Variants in UBE3C observed in about 807,000 individuals in gnomAD.
UBE3C encodes the protein ubiquitin protein ligase E3C, also known as ubiquitin-protein ligase E3C.
UBE3C carries 42 observed loss-of-function variants against 129.4 expected under a neutral mutation model. That is an observed-to-expected ratio of 0.32 (90% CI 0.25 to 0.42). The LOEUF (loss-of-function observed/expected upper bound fraction) is 0.42, where lower values mean the gene tolerates loss of function less well. Among genes scored for constraint, UBE3C ranks in the 10% least tolerant of loss-of-function variants. The pLI, the probability that UBE3C is intolerant of heterozygous loss-of-function variation, is 1.00. For missense variants in UBE3C, 1,049 were observed against 1,319.1 expected (o/e 0.80, Z 3.17); for synonymous variants, 510 against 492.4 (o/e 1.04, Z -0.47).
At chr7:157,246,122 G>GT (rs1480154583) in intron 18 of UBE3C, among the ~76,000 whole-genome samples, 3 of 151,850 alleles carry the variant, frequency 2.0e-5, no homozygotes, top group Admixed American at 6.6e-5. Context: ...TTCTCCAGTC[G>GT]TATCAGTGGA....
chr7:157,175,052 G>A lies in UBE3C; in HGVS notation c.458+18G>A, dbSNP rs1383164997. The A allele has an allele frequency of 1.3e-6, 2 of 1,577,142 alleles. No homozygotes were observed. Among genetic ancestry groups the A allele is most frequent in the Non-Finnish European group, 1.7e-6 (2 of 1,154,928 alleles). On this transcript the variant is annotated intron_variant, in intron 5 of 22. Transcript: ENST00000348165. Reference sequence around the variant, plus strand: ...TGTTGCAGGTAAAATTCTATTGTAAGTCAGTAACGTATATAATGTATTGAT... The same window carrying A: ...TGTTGCAGGTAAAATTCTATTGTAAATCAGTAACGTATATAATGTATTGAT...
intron 6 of UBE3C, among the ~76,000 whole-genome samples, chr7:157,180,997 T>G (rs1384182245): frequency 6.6e-6 from 1 of 152,190 alleles, no homozygotes; most frequent in African/African-American, 2.4e-5. Flanking sequence ...TACAGTGGAA[T>G]GAAACCTACC....
intron 14 of UBE3C, 171 bp from the exon 15 acceptor site, chr7:157,220,518 A>C: frequency 1.8e-6 from 1 of 555,216 alleles, no homozygotes; most frequent in Non-Finnish European, 3.1e-6. Context: ...GACAGCTAGC[A>C]TGAGAGAGGA....
chr7:157,195,379 G>A lies in UBE3C; in HGVS notation c.1332-6342G>A, dbSNP rs149098325. Among the ~76,000 whole-genome samples the A allele has an allele frequency of 3.9e-5, 6 of 152,304 alleles. No homozygotes were observed. The East Asian group carries it at 1.2e-3, about 29-fold the overall frequency. Reference sequence around the variant, plus strand: ...AAACAAACTGATAAGCTGATACTCAGCTGCAAACATGTGCTACCTTTTGTG... The same window carrying A: ...AAACAAACTGATAAGCTGATACTCAACTGCAAACATGTGCTACCTTTTGTG... On this transcript the variant is annotated intron_variant, in intron 10 of 22. Coordinates refer to ENST00000348165, the MANE Select transcript of UBE3C (RefSeq NM_014671.3).
At chr7:157,236,384 C>G (rs1355011031) in intron 18 of UBE3C, among the ~76,000 whole-genome samples, 1 of 151,800 alleles carries the variant, frequency 6.6e-6, no homozygotes, top group Non-Finnish European at 1.5e-5. Flanking sequence ...ATTGGGATGG[C>G]ATGCCTATAA....
intron 1 of UBE3C, among the ~76,000 whole-genome samples, chr7:157,155,859 AG>A (rs1446956342): frequency 6.6e-5 from 10 of 151,918 alleles, no homozygotes; most frequent in Non-Finnish European, 1.5e-4. Context: ...TAGTTACAGC[AG>A]GGAGCGTGCA....
At chr7:157,167,315 G>C (rs575067502) in intron 2 of UBE3C, among the ~76,000 whole-genome samples, 9 of 152,266 alleles carry the variant, frequency 5.9e-5, no homozygotes, top group African/African-American at 2.2e-4. Context: ...CAGTGTGTGT[G>C]TTAGTCTCAG....
intron 10 of UBE3C, 100 bp from the exon 11 acceptor site, chr7:157,201,621 G>T (rs1162134786): frequency 3.0e-6 from 2 of 672,636 alleles, no homozygotes; most frequent in African/African-American, 2.3e-5. Context: ...ATTGTACGTT[G>T]ATCTTCAGTG....
At chr7:157,208,637 G>A (rs1046023029) in intron 13 of UBE3C, among the ~76,000 whole-genome samples, 41 of 151,950 alleles carry the variant, frequency 2.7e-4, no homozygotes, top group Admixed American at 1.8e-3. Context: ...TTCAAAAATT[G>A]ATTAACAACG....
chr7:157,180,899 G>A (rs1364794391), intron 6 of UBE3C, among the ~76,000 whole-genome samples: 2 of 152,194 alleles, frequency 1.3e-5, no homozygotes, highest in Admixed American at 6.5e-5. Context: ...ATTGTAGGGC[G>A]GGATGCAGGA....
chr7:157,256,961 G>C lies in UBE3C; in HGVS notation c.2998G>C (p.Val1000Leu), dbSNP rs761481263. 1 of 1,614,210 alleles carries C rather than the reference G, an allele frequency of 6.2e-7. No individual in the cohort carries two copies. Among genetic ancestry groups the C allele is most frequent in the East Asian group, 2.2e-5 (1 of 44,878 alleles). Residue 1000 changes from valine (V) to leucine (L), a missense_variant, in exon 22 of 23, where the codon GTG becomes CTG. Val to Leu is a conservative substitution (Grantham distance 32, BLOSUM62 1). Transcript: ENST00000348165. ...HPVIKVFWRV[V>L]EGFTDEEKRK... The stretch of plus-strand genomic sequence containing the variant: ...TGTTATTAAGGTCTTCTGGAGAGTT[G>C]TGGAAGGGTTCACTGATGAAGAAAA...
At chr7:157,160,295 G>A (rs1028341063) in intron 1 of UBE3C, among the ~76,000 whole-genome samples, 3 of 152,048 alleles carry the variant, frequency 2.0e-5, no homozygotes, top group Admixed American at 6.6e-5. Context: ...GGCTGGTCTC[G>A]AACTCCTGAC....
At chr7:157,259,575 C>T (rs1264822118) in intron 22 of UBE3C, among the ~76,000 whole-genome samples, 1 of 152,210 alleles carries the variant, frequency 6.6e-6, no homozygotes, top group Non-Finnish European at 1.5e-5. Context: ...ATCTACTACA[C>T]TGTGTATGAA....
chr7:157,204,642 T>G (rs1209104218), intron 11 of UBE3C, among the ~76,000 whole-genome samples: 2 of 152,164 alleles, frequency 1.3e-5, no homozygotes, highest in Non-Finnish European at 2.9e-5. Flanking sequence ...TTTACCTCAT[T>G]TTCAGTACTT....
At chr7:157,149,365 A>G (rs1012726439) in intron 1 of UBE3C, among the ~76,000 whole-genome samples, 10 of 152,062 alleles carry the variant, frequency 6.6e-5, no homozygotes, top group African/African-American at 2.4e-4. Context: ...CAGGAATTCA[A>G]CCGATTTTTA....
At chr7:157,219,697 G>A (rs1795685491) in intron 14 of UBE3C, among the ~76,000 whole-genome samples, 1 of 152,082 alleles carries the variant, frequency 6.6e-6, no homozygotes, top group Non-Finnish European at 1.5e-5. Flanking sequence ...AGGTCAGTTC[G>A]AGACCACCCT....
intron 4 of UBE3C, among the ~76,000 whole-genome samples, chr7:157,173,591 G>A (rs1439459157): frequency 6.6e-6 from 1 of 152,026 alleles, no homozygotes; most frequent in African/African-American, 2.4e-5. Flanking sequence ...GTCAAATATG[G>A]TACTAAGATT....
intron 1 of UBE3C, among the ~76,000 whole-genome samples, chr7:157,152,773 C>A (rs1482740113): frequency 6.6e-6 from 1 of 152,194 alleles, no homozygotes; most frequent in Non-Finnish European, 1.5e-5. Context: ...GCTTCTGTCT[C>A]CTGCTTTACT....
At chr7:157,198,197 C>G in intron 10 of UBE3C, 1 of 1,581,520 alleles carries the variant, frequency 6.3e-7, no homozygotes. Context: ...TTTCTCCATG[C>G]ATATATTCAG....
Sources: gnomAD v4.1 joint callset for allele counts (sites outside exome capture counted in the v4.1 genomes callset) on GRCh38, gnomAD v4.1.1 for gene constraint, MANE v1.5 for transcripts, NCBI Gene and HGNC (gene_info 2026-07-23, HGNC 2026-07-21) for gene names.